NEK5: variants seen among roughly 807,000 people sequenced by gnomAD.
NEK5 encodes NIMA related kinase 5, also known as serine/threonine-protein kinase Nek5.
A neutral mutation model predicts 109.2 loss-of-function variants in NEK5; 88 were observed. The ratio of observed to expected loss-of-function variants is 0.81; its 90% confidence interval spans 0.68 to 0.96. NEK5 has a LOEUF of 0.96. Among genes scored for constraint, NEK5 ranks in the 40% least tolerant of loss-of-function variants. NEK5 has a pLI of 0.00. For missense variants in NEK5, 834 were observed against 920.7 expected (o/e 0.91, Z 1.22); for synonymous variants, 283 against 299.9 (o/e 0.94, Z 0.58).
intron 17 of NEK5, among the ~76,000 whole-genome samples, chr13:52,079,286 ATCCCTC>A (rs11275738): frequency 0.12 from 14,764 of 127,920 alleles, 843 homozygotes; most frequent in Admixed American, 0.14. Context: ...AAGTAATCTG[ATCCCTC>A]TCCCTCTCCC....
intron 22 of NEK5, among the ~76,000 whole-genome samples, chr13:52,058,806 G>A (rs1954585499): frequency 6.6e-6 from 1 of 152,134 alleles, no homozygotes; most frequent in Admixed American, 6.6e-5. Flanking sequence ...ATCAATTCAA[G>A]ATGGATTAAA....
At chr13:52,088,138 A>G (rs1472363676) in intron 14 of NEK5, among the ~76,000 whole-genome samples, 3 of 150,864 alleles carry the variant, frequency 2.0e-5, no homozygotes, top group Non-Finnish European at 4.4e-5. Flanking sequence ...TATGTTGCCT[A>G]GGCTAGTCTC....
At chr13:52,038,749 C>G (rs1014990267) in intron 23 of NEK5, among the ~76,000 whole-genome samples, 2 of 141,428 alleles carry the variant, frequency 1.4e-5, no homozygotes, top group Non-Finnish European at 3.0e-5. Flanking sequence ...TGCTTGAGCC[C>G]AGGAGTTTAC....
chr13:52,126,135 C>T (rs1209791314), intron 3 of NEK5, among the ~76,000 whole-genome samples: 1 of 152,068 alleles, frequency 6.6e-6, no homozygotes, highest in East Asian at 1.9e-4. Context: ...ATTTATAAAT[C>T]CTCTAGAAGC....
chr13:52,079,541 A>G (rs1380671852), intron 17 of NEK5, among the ~76,000 whole-genome samples: 7 of 152,240 alleles, frequency 4.6e-5, no homozygotes, highest in Non-Finnish European at 8.8e-5. Flanking sequence ...ACAGCGAGTG[A>G]TCCGCCAGCC....
Position 52,099,318 on chromosome 13 carries a change from G to C in NEK5, c.1026+425C>G, listed in dbSNP as rs145370158. ...GAGGCCGAGGCAGGCTGATCGCAAG[G>C]TCAGGAGTTCGAGACCAGTCTGACC... On this transcript the variant is annotated intron_variant, in intron 12 of 23. Coordinates refer to ENST00000684899, the MANE Select transcript of NEK5 (RefSeq NM_001365552.1). Among the ~76,000 whole-genome samples the C allele has an allele frequency of 7.7e-3, 1,174 of 152,230 alleles. 9 individuals carry two copies. The highest frequency in any genetic ancestry group is 0.012 in the Non-Finnish European group (808 of 68,010).
At chr13:52,058,000 G>A (rs1264218731) in intron 22 of NEK5, among the ~76,000 whole-genome samples, 1 of 152,124 alleles carries the variant, frequency 6.6e-6, no homozygotes, top group Non-Finnish European at 1.5e-5. Context: ...TAGGAAAAGA[G>A]GAAGTCAAAT....
intron 22 of NEK5, among the ~76,000 whole-genome samples, chr13:52,053,729 C>T (rs1954528164): frequency 1.3e-5 from 2 of 152,178 alleles, no homozygotes; most frequent in South Asian, 2.1e-4. Context: ...GAACAAGTCA[C>T]GTAGACTTGC....
rs755907903 is a variant in NEK5, at chr13:52,093,174, G to A, written c.1088C>T (p.Ala363Val). 11 of 1,613,298 alleles carry A rather than the reference G, an allele frequency of 6.8e-6. No individual in the cohort carries two copies. The highest frequency in any genetic ancestry group is 1.6e-4 in the Middle Eastern group (1 of 6,082). Residue 363 changes from alanine (A) to valine (V), a missense_variant, in exon 13 of 24, where the codon GCT becomes GTT. Transcript: ENST00000684899. ...AVCGHYDYYY[A>V]QLDMLRRRAH... is the part of the protein sequence containing the mutation. ...TCTCCTCCTCAGCATATCAAGTTGA[G>A]CATAATAATAATCATAATGTCCACA...
chr13:52,053,756 T>C (rs1002198672), intron 22 of NEK5, among the ~76,000 whole-genome samples: 2 of 152,270 alleles, frequency 1.3e-5, no homozygotes, highest in East Asian at 3.9e-4. Context: ...TCGCCCCACA[T>C]ACCCTCCATA....
At chr13:52,084,760 A>AGTGTGTGTGTGT (rs1487694445) in intron 16 of NEK5, among the ~76,000 whole-genome samples, 19 of 36,566 alleles carry the variant, frequency 5.2e-4, no homozygotes, top group African/African-American at 1.2e-3. Context: ...AGAGAGAGAG[A>AGTGTGTGTGTGT]GAGTGTGTGT....
intron 22 of NEK5, among the ~76,000 whole-genome samples, chr13:52,053,260 C>A (rs75501944): frequency 6.6e-6 from 1 of 151,990 alleles, no homozygotes; most frequent in Non-Finnish European, 1.5e-5. Flanking sequence ...GAAACTCCAA[C>A]CTGCGTAACA....
intron 4 of NEK5, among the ~76,000 whole-genome samples, chr13:52,117,917 G>A (rs1160995319): frequency 6.6e-6 from 1 of 152,162 alleles, no homozygotes; most frequent in African/African-American, 2.4e-5. Flanking sequence ...TCATCTTATA[G>A]CATTATCAGT....
chr13:52,065,704 C>T, intron 20 of NEK5, 95 bp from the exon 21 acceptor site: 1 of 822,018 alleles, frequency 1.2e-6, no homozygotes, highest in Non-Finnish European at 2.0e-6. Flanking sequence ...AGTTTATCAG[C>T]AGGTATGTTC....
At position 52,101,977 on chromosome 13, in the gene NEK5, C is replaced by T. The variant is rs749963361; in HGVS notation, c.848G>A (p.Arg283Lys). ...QEEFSHMLIC[R>K]AGAPASRHAG... is the part of the protein sequence containing the mutation. The stretch of plus-strand genomic sequence containing the variant: ...ATGTCGAGAAGCTGGCGCTCCTGCT[C>T]TGCATATAAGCATGTGACTGAATTC... The change falls in exon 11 of 24, where the codon AGA (arginine) becomes AAA (lysine). Residue 283 changes from arginine (R) to lysine (K), a missense_variant. Physicochemically the swap from Arg to Lys is conservative, Grantham distance 26. Transcript: ENST00000684899. 1 of 1,614,168 alleles carries T rather than the reference C, an allele frequency of 6.2e-7. No homozygotes were observed. Among genetic ancestry groups the T allele is most frequent in the Non-Finnish European group, 8.5e-7 (1 of 1,180,036 alleles).
At chr13:52,108,292 T>C in intron 8 of NEK5, 26 bp downstream of exon 8, 4 of 1,419,196 alleles carry the variant, frequency 2.8e-6, no homozygotes, top group Non-Finnish European at 4.0e-6. Flanking sequence ...TTACTGACAC[T>C]TTCAAACTAA....
chr13:52,105,238 A>AGTGTGTGTGTGT (rs5803594), intron 8 of NEK5, among the ~76,000 whole-genome samples: 3 of 148,152 alleles, frequency 2.0e-5, no homozygotes, highest in African/African-American at 7.6e-5. Flanking sequence ...TTTGTGCATG[A>AGTGTGTGTGTGT]GTGTGTGTGT....
chr13:52,068,142 A>C (rs1954720749), intron 20 of NEK5, among the ~76,000 whole-genome samples: 1 of 151,960 alleles, frequency 6.6e-6, no homozygotes. Flanking sequence ...AAGCCTTTGT[A>C]CTCAGCTGTG....
At chr13:52,094,508 G>A (rs1955361479) in intron 12 of NEK5, among the ~76,000 whole-genome samples, 1 of 152,224 alleles carries the variant, frequency 6.6e-6, no homozygotes, top group South Asian at 2.1e-4. Flanking sequence ...AATTGGCTGG[G>A]CGCAGTGGCT....
Sources: allele counts gnomAD v4.1 joint callset (sites outside exome capture counted in the v4.1 genomes callset), GRCh38; gene constraint gnomAD v4.1.1; transcripts MANE v1.5; gene names NCBI Gene and HGNC (gene_info 2026-07-23, HGNC 2026-07-21).